The following MARCHF1 variants were observed in gnomAD, a reference collection of about 807,000 sequenced individuals.
MARCHF1 encodes the protein E3 ubiquitin-protein ligase MARCHF1.
Under a neutral mutation model 54.2 loss-of-function variants are expected in MARCHF1, and 40 were observed. The ratio of observed to expected loss-of-function variants is 0.74; its 90% confidence interval spans 0.57 to 0.96. The LOEUF (loss-of-function observed/expected upper bound fraction) is 0.96, where lower values mean the gene tolerates loss of function less well. Ranked by LOEUF, MARCHF1 falls within the 40% of genes least tolerant of loss-of-function variation. The probability of loss-of-function intolerance (pLI) is 0.00; values close to 1 mark genes in which losing one functional copy is unlikely to be tolerated. For missense variants in MARCHF1, 586 were observed against 656.5 expected (o/e 0.89, Z 1.17); for synonymous variants, 236 against 236.3 (o/e 1.00, Z 0.01).
At chr4:164,376,502 T>C (rs957242373) in intron 1 of MARCHF1, among the ~76,000 whole-genome samples, 1 of 151,888 alleles carries the variant, frequency 6.6e-6, no homozygotes. Context: ...TCCCGGAGAG[T>C]AGGAGTGAGG....
chr4:163,827,055 C>T (rs1359101253), intron 4 of MARCHF1, among the ~76,000 whole-genome samples: 2 of 150,836 alleles, frequency 1.3e-5, no homozygotes, highest in African/African-American at 4.9e-5. Flanking sequence ...CTTATGTTAA[C>T]CTTTGCATAT....
At chr4:163,621,828 G>A (rs986197719) in intron 5 of MARCHF1, among the ~76,000 whole-genome samples, 4 of 152,056 alleles carry the variant, frequency 2.6e-5, no homozygotes, top group Non-Finnish European at 5.9e-5. Flanking sequence ...GAGGGTGTGG[G>A]GGTAGAGAAG....
At chr4:163,733,559 C>G (rs906177977) in intron 4 of MARCHF1, among the ~76,000 whole-genome samples, 1 of 151,136 alleles carries the variant, frequency 6.6e-6, no homozygotes, top group Non-Finnish European at 1.5e-5. Context: ...CACTCATTAA[C>G]TTGTCATTTA....
At chr4:164,350,696 T>C (rs1013912888) in intron 1 of MARCHF1, among the ~76,000 whole-genome samples, 1 of 152,214 alleles carries the variant, frequency 6.6e-6, no homozygotes, top group African/African-American at 2.4e-5. Context: ...TACCAAAGCA[T>C]AGTACAATGT....
intron 1 of MARCHF1, among the ~76,000 whole-genome samples, chr4:164,324,338 CA>C (rs1735218327): frequency 6.6e-6 from 1 of 151,598 alleles, no homozygotes; most frequent in African/African-American, 2.4e-5. Flanking sequence ...TATTAAAACC[CA>C]AAAACAATTA....
At chr4:164,137,157 T>C (rs909597290) in intron 1 of MARCHF1, among the ~76,000 whole-genome samples, 1 of 152,224 alleles carries the variant, frequency 6.6e-6, no homozygotes, top group African/African-American at 2.4e-5. Flanking sequence ...TCAATTCACA[T>C]TCACAGCTCT....
At chr4:163,529,068 A>ATGTT in intron 9 of MARCHF1, 22 bp from the exon 10 acceptor site, 2 of 1,570,882 alleles carry the variant, frequency 1.3e-6, no homozygotes, top group South Asian at 2.3e-5. Context: ...AAAAGAGAAA[A>ATGTT]TGTTATCACC....
At chr4:164,322,339 T>C (rs995987775) in intron 1 of MARCHF1, among the ~76,000 whole-genome samples, 1 of 151,992 alleles carries the variant, frequency 6.6e-6, no homozygotes, top group Non-Finnish European at 1.5e-5. Context: ...AAAGACAATA[T>C]ATACTAATTT....
intron 1 of MARCHF1, among the ~76,000 whole-genome samples, chr4:164,226,937 A>C (rs1018734844): frequency 4.6e-5 from 7 of 152,116 alleles, no homozygotes; most frequent in African/African-American, 1.7e-4. Flanking sequence ...TGGTGGATTA[A>C]ACTAAAAGTA....
chr4:163,545,071 C>G (rs1738850979), intron 9 of MARCHF1, among the ~76,000 whole-genome samples: 1 of 152,174 alleles, frequency 6.6e-6, no homozygotes, highest in Non-Finnish European at 1.5e-5. Context: ...TTTTTCTTTG[C>G]AGACTTGACA....
chr4:164,007,059 C>T (rs1026645336), intron 2 of MARCHF1, among the ~76,000 whole-genome samples: 1 of 124,986 alleles, frequency 8.0e-6, no homozygotes, highest in Non-Finnish European at 1.6e-5. Flanking sequence ...AACTTTTTGG[C>T]AGGGCGTGGT....
chr4:163,837,324 A>T (rs1156881753), intron 4 of MARCHF1, among the ~76,000 whole-genome samples: 2 of 152,212 alleles, frequency 1.3e-5, no homozygotes, highest in Admixed American at 1.3e-4. Flanking sequence ...AATACAAAAA[A>T]AAAGTAAGAT....
At chr4:164,077,774 G>GA (rs796892658) in intron 2 of MARCHF1, among the ~76,000 whole-genome samples, 25 of 152,216 alleles carry the variant, frequency 1.6e-4, no homozygotes, top group African/African-American at 6.0e-4. Context: ...ACAAACACAT[G>GA]AAAAAAAGCT....
At chr4:164,059,397 A>G (rs930421878) in intron 2 of MARCHF1, among the ~76,000 whole-genome samples, 1 of 152,168 alleles carries the variant, frequency 6.6e-6, no homozygotes, top group Non-Finnish European at 1.5e-5. Flanking sequence ...CTTTTTATTG[A>G]CGTAAATCTA....
At chr4:163,565,809 T>C (rs1739626995) in intron 8 of MARCHF1, among the ~76,000 whole-genome samples, 2 of 152,178 alleles carry the variant, frequency 1.3e-5, no homozygotes, top group African/African-American at 2.4e-5. Context: ...ACAAAGCTTC[T>C]CTCTGGGGAT....
At position 163,610,161 on chromosome 4, in the gene MARCHF1, A is replaced by G. The variant is rs535808534; in HGVS notation, c.1010+2110T>C. Among the ~76,000 whole-genome samples the G allele has an allele frequency of 1.2e-4, 19 of 152,066 alleles. 1 individual carries two copies. The South Asian group carries it at 3.9e-3, about 32-fold the overall frequency. ...CAGCAAATCTTTCTTCAAATCCTGC[A>G]GTATTCCTTTTCTTACATTCTTCCT... is the stretch of plus-strand genomic sequence containing the variant. On this transcript the variant is annotated intron_variant, in intron 7 of 9. Transcript: ENST00000514618.
chr4:164,012,261 A>G (rs952485693), intron 2 of MARCHF1, among the ~76,000 whole-genome samples: 10 of 151,604 alleles, frequency 6.6e-5, no homozygotes, highest in Admixed American at 2.0e-4. Flanking sequence ...CCCTCCTACA[A>G]CTCCAGGCAC....
intron 5 of MARCHF1, among the ~76,000 whole-genome samples, chr4:163,650,388 C>T (rs918951394): frequency 3.3e-5 from 5 of 151,780 alleles, no homozygotes; most frequent in Admixed American, 2.0e-4. Context: ...CTTTGGAGTC[C>T]GACAAACCTG....
At chr4:163,895,678 A>T (rs1236692439) in intron 3 of MARCHF1, among the ~76,000 whole-genome samples, 1 of 152,094 alleles carries the variant, frequency 6.6e-6, no homozygotes. Context: ...GTGAAAGAGG[A>T]TGTTCTGTTT....
Sources: gnomAD v4.1 joint callset for allele counts (sites outside exome capture counted in the v4.1 genomes callset) on GRCh38, gnomAD v4.1.1 for gene constraint, MANE v1.5 for transcripts, NCBI Gene and HGNC (gene_info 2026-07-23, HGNC 2026-07-21) for gene names.